PPP2R3A: variants seen among roughly 807,000 people sequenced by gnomAD.
PPP2R3A encodes protein phosphatase 2 regulatory subunit B''alpha.
Under a neutral mutation model 106.9 loss-of-function variants are expected in PPP2R3A, and 80 were observed. The ratio of observed to expected loss-of-function variants is 0.75; its 90% CI spans 0.62 to 0.90. PPP2R3A has a LOEUF of 0.90. PPP2R3A is among the 40% of genes least tolerant of loss of function. The probability of loss-of-function intolerance (pLI) is 0.00; values close to 1 mark genes in which losing one functional copy is unlikely to be tolerated. For missense variants in PPP2R3A, 1,386 were observed against 1,350.4 expected (o/e 1.03, Z -0.41); for synonymous variants, 483 against 468.3 (o/e 1.03, Z -0.41).
chr3:136,001,587 A>T lies in PPP2R3A; in HGVS notation c.89A>T (p.Tyr30Phe). 1 of 1,614,150 alleles carries T rather than the reference A, an allele frequency of 6.2e-7. No individual in the cohort carries two copies. The highest frequency in any genetic ancestry group is 8.5e-7 in the Non-Finnish European group (1 of 1,180,014). The change falls in exon 2 of 14, where the codon TAT (tyrosine) becomes TTT (phenylalanine). Residue 30 changes from tyrosine to phenylalanine, a missense_variant. Transcript: ENST00000264977. ...IDRRFEQAIH[Y>F]CTGTCHTFTH... ...CGGCGTTTTGAACAAGCTATACATT[A>T]TTGCACTGGAACCTGCCACACCTTC...
In PPP2R3A at chr3:136,049,133, G is replaced by A. The variant is rs192792630; in HGVS notation, c.2367-126G>A. ...TCATTCTAAAACATCCTTTGATTAT[G>A]TAAATTCCTTACTTGATTGTTGATC... On this transcript the variant is annotated intron_variant, in intron 4 of 13. Transcript: ENST00000264977. 8.8e-6 allele frequency: 6 copies of A among 681,920 alleles called. No homozygotes were observed. In the East Asian group the frequency reaches 1.6e-4, roughly 18 times the overall value. 42.2% of individuals were successfully genotyped at this position (681,920 alleles called of 1,614,324 possible).
At chr3:136,016,587 T>C (rs191223341) in intron 2 of PPP2R3A, among the ~76,000 whole-genome samples, 1 of 152,282 alleles carries the variant, frequency 6.6e-6, no homozygotes, top group Non-Finnish European at 1.5e-5. Flanking sequence ...CTTTTTTAAC[T>C]GTTGTCGCTT....
intron 12 of PPP2R3A, among the ~76,000 whole-genome samples, chr3:136,104,729 G>C (rs925938109): frequency 9.9e-5 from 15 of 152,142 alleles, no homozygotes; most frequent in African/African-American, 3.4e-4. Context: ...GTTAAATATA[G>C]TAATTAATAG....
chr3:135,985,630 A>T (rs1397307836), intron 1 of PPP2R3A, among the ~76,000 whole-genome samples: 1 of 152,130 alleles, frequency 6.6e-6, no homozygotes, highest in Non-Finnish European at 1.5e-5. Context: ...GGATTGTCTT[A>T]CTTGGAACTC....
intron 5 of PPP2R3A, among the ~76,000 whole-genome samples, chr3:136,067,705 A>G (rs921219678): frequency 6.6e-6 from 1 of 152,226 alleles, no homozygotes; most frequent in Admixed American, 6.5e-5. Flanking sequence ...CAACCTAAGT[A>G]TTAGTGAATG....
intron 1 of PPP2R3A, among the ~76,000 whole-genome samples, chr3:135,981,765 G>A (rs981026417): frequency 9.9e-5 from 15 of 151,782 alleles, no homozygotes; most frequent in Admixed American, 7.2e-4. Flanking sequence ...ATAGGGCAGA[G>A]AGTAATGAGA....
chr3:135,975,837 G>A lies in PPP2R3A; in HGVS notation c.-441+9988G>A, dbSNP rs7609572. Among the ~76,000 whole-genome samples, 1,264 of 152,014 alleles carry A rather than the reference G, an allele frequency of 8.3e-3. 23 individuals are homozygous for A. The highest frequency in any genetic ancestry group is 0.028 in the African/African-American group (1,165 of 41,462). Reference sequence around the variant, plus strand: ...ATCTGTACTAATATTACATATATAAGATATATATAATCTAATTAAAAGCAC... The same window carrying A: ...ATCTGTACTAATATTACATATATAAAATATATATAATCTAATTAAAAGCAC... On this transcript the variant is annotated intron_variant, in intron 1 of 13. Transcript: ENST00000264977.
rs1576347959 is a variant in PPP2R3A at position 136,146,893 on chromosome 3, G to A, written c.*1727G>A. 2 of 150,146 alleles carry A rather than the reference G, an allele frequency of 1.3e-5. No individual in the cohort carries two copies. The highest frequency in any genetic ancestry group is 2.4e-5 in the African/African-American group (1 of 40,896). 9.3% of individuals were successfully genotyped at this position (150,146 alleles called of 1,614,324 possible). On this transcript the variant is annotated 3_prime_UTR_variant, in exon 14 of 14. Coordinates refer to ENST00000264977, the MANE Select transcript of PPP2R3A (RefSeq NM_002718.5). ...AAAAAAAAAAAAAATACTTTTCTTAGAAGCCAGATATGGTTTAAATGTTTT... is the reference window on the plus strand; with the variant it reads ...AAAAAAAAAAAAAATACTTTTCTTAAAAGCCAGATATGGTTTAAATGTTTT...
rs1939204189 is a variant in PPP2R3A, at chr3:136,147,889, T to TA, written c.*2724dup. On this transcript the variant is annotated 3_prime_UTR_variant, in exon 14 of 14. Coordinates refer to ENST00000264977, the MANE Select transcript of PPP2R3A (RefSeq NM_002718.5). ...AGCAAAACTAAATAAAGTTGTCAAA[T>TA]ATGAATCATGTTCATTAAGGTAATT... 1 of 152,230 alleles carries TA rather than the reference T, an allele frequency of 6.6e-6. No individual in the cohort carries two copies. The highest frequency in any genetic ancestry group is 1.5e-5 in the Non-Finnish European group (1 of 68,036). 9.4% of individuals were successfully genotyped at this position (152,230 alleles called of 1,614,324 possible). A position where few individuals can be genotyped will look rare whatever the true frequency, so the allele number is the denominator to read the frequency against.
chr3:136,069,681 C>G (rs906483271), intron 5 of PPP2R3A, among the ~76,000 whole-genome samples: 3 of 152,168 alleles, frequency 2.0e-5, no homozygotes, highest in African/African-American at 7.2e-5. Context: ...GCTAACTGCT[C>G]TGAAGAAACA....
chr3:136,116,549 T>C (rs1473670671), intron 13 of PPP2R3A, among the ~76,000 whole-genome samples: 1 of 152,114 alleles, frequency 6.6e-6, no homozygotes, highest in Non-Finnish European at 1.5e-5. Context: ...GGAGGAATAT[T>C]TACCAAGCAA....
intron 5 of PPP2R3A, among the ~76,000 whole-genome samples, chr3:136,065,639 G>C (rs1936241975): frequency 6.6e-6 from 1 of 152,096 alleles, no homozygotes; most frequent in Non-Finnish European, 1.5e-5. Flanking sequence ...ACCAACAGCT[G>C]ACTAATTTGA....
At chr3:136,066,045 A>G (rs1297629664) in intron 5 of PPP2R3A, among the ~76,000 whole-genome samples, 1 of 152,210 alleles carries the variant, frequency 6.6e-6, no homozygotes, top group Non-Finnish European at 1.5e-5. Context: ...TCCTAGATGA[A>G]ATGGACAGTT....
intron 10 of PPP2R3A, 77 bp downstream of exon 10, chr3:136,090,744 C>T (rs1576495946): frequency 8.9e-7 from 1 of 1,124,848 alleles, no homozygotes; most frequent in Non-Finnish European, 1.3e-6. Context: ...GTATATTATA[C>T]CTAGTGAGGC....
intron 13 of PPP2R3A, among the ~76,000 whole-genome samples, chr3:136,125,944 G>A (rs1938163823): frequency 6.6e-6 from 1 of 152,190 alleles, no homozygotes; most frequent in Non-Finnish European, 1.5e-5. Flanking sequence ...TAAGGATAGA[G>A]GGGAAGTTGC....
chr3:136,141,515 G>C (rs1009047648), intron 13 of PPP2R3A, among the ~76,000 whole-genome samples: 2 of 152,204 alleles, frequency 1.3e-5, no homozygotes, highest in African/African-American at 4.8e-5. Context: ...TGCCAGATTA[G>C]TGGAAGTGCA....
intron 2 of PPP2R3A, among the ~76,000 whole-genome samples, chr3:136,010,938 CAGTTG>C (rs777151431): frequency 1.1e-4 from 16 of 152,162 alleles, no homozygotes; most frequent in Non-Finnish European, 1.8e-4. Flanking sequence ...TCCAACATAC[CAGTTG>C]AGTTAACACT....
At chr3:136,086,768 T>A (rs1285442967) in intron 8 of PPP2R3A, among the ~76,000 whole-genome samples, 1 of 152,202 alleles carries the variant, frequency 6.6e-6, no homozygotes, top group East Asian at 1.9e-4. Flanking sequence ...TTCCCAACTT[T>A]CTTTGGCCAA....
At chr3:136,080,919 T>TA (rs1936759640) in intron 7 of PPP2R3A, among the ~76,000 whole-genome samples, 1 of 152,182 alleles carries the variant, frequency 6.6e-6, no homozygotes, top group Non-Finnish European at 1.5e-5. Context: ...GTTTATATTT[T>TA]AAAAAATAAT....
Sources: allele counts gnomAD v4.1 joint callset (sites outside exome capture counted in the v4.1 genomes callset), GRCh38; gene constraint gnomAD v4.1.1; transcripts MANE v1.5; gene names NCBI Gene and HGNC (gene_info 2026-07-23, HGNC 2026-07-21).